PRKCG: variants seen among roughly 807,000 people sequenced by gnomAD.
The protein encoded by PRKCG is protein kinase C gamma.
Under a neutral mutation model 82.0 loss-of-function variants are expected in PRKCG, and 28 were observed. The ratio of observed to expected loss-of-function variants is 0.34; its 90% confidence interval spans 0.25 to 0.47. PRKCG has a LOEUF of 0.47. Ranked by LOEUF, PRKCG falls within the 20% of genes least tolerant of loss-of-function variation. The pLI, the probability that PRKCG is intolerant of heterozygous loss-of-function variation, is 1.00. For synonymous variants in PRKCG, 383 were observed against 376.6 expected, an observed-to-expected ratio of 1.02 and a Z score of -0.20; for missense variants, 640 against 952.7, an observed-to-expected ratio of 0.67 and a Z score of 4.32.
Position 53,900,103 on chromosome 19 carries a change from T to C in PRKCG, c.1282-130T>C. ...GCACCTTAGGGCCCTCCCAGGGATGTGGCTAGGTGCTCTGAATTTCTGGTT... is the reference window on the plus strand; with the variant it reads ...GCACCTTAGGGCCCTCCCAGGGATGCGGCTAGGTGCTCTGAATTTCTGGTT... On this transcript the variant is annotated intron_variant, in intron 11 of 17. Transcript: ENST00000263431. This position sits in a 1 kb window ranked among gnomAD's most constrained non-coding sequence, Gnocchi z 4.2. The C allele has an allele frequency of 1.2e-6, 1 of 851,968 alleles. No individual in the cohort carries two copies. The highest frequency in any genetic ancestry group is 1.9e-5 in the Admixed American group (1 of 53,350). The allele number at this position is 851,968 out of a possible 1,614,324, so 52.8% of individuals were successfully genotyped here. A position where few individuals can be genotyped will look rare whatever the true frequency, so the allele number is the denominator to read the frequency against.
chr19:53,887,134 C>A (rs924152892), intron 3 of PRKCG, among the ~76,000 whole-genome samples: 1 of 151,920 alleles, frequency 6.6e-6, no homozygotes, highest in Admixed American at 6.6e-5. Flanking sequence ...TGCAATAGTG[C>A]TATCACTGCT....
At chr19:53,881,142 A>AGG, upstream of PRKCG, among the ~76,000 whole-genome samples, 1 of 151,538 alleles carries the variant, frequency 6.6e-6, no homozygotes, top group East Asian at 1.9e-4. Flanking sequence ...AGAGAGAGAG[A>AGG]GAGAGATCAA....
Position 53,883,648 on chromosome 19 carries a change from G to A in PRKCG, c.202+454G>A, listed in dbSNP as rs1393247935. Among the ~76,000 whole-genome samples, 2 of 145,732 alleles carry A rather than the reference G, an allele frequency of 1.4e-5. No homozygotes were observed. Among genetic ancestry groups the A allele is most frequent in the Non-Finnish European group, 3.0e-5 (2 of 65,968 alleles). On this transcript the variant is annotated intron_variant, in intron 2 of 17. Coordinates refer to ENST00000263431, the MANE Select transcript of PRKCG (RefSeq NM_002739.5). The surrounding 1 kb of genome is among the most constrained non-coding windows in gnomAD (Gnocchi z 5.4). ...CCGGCAGTTCTGGGGGGCGGGAGAG[G>A]GGGGCGAGTCCTTGAGCACCAGCTG...
intron 6 of PRKCG, 149 bp downstream of exon 6, chr19:53,891,979 T>C: frequency 9.5e-7 from 1 of 1,053,528 alleles, no homozygotes; most frequent in Non-Finnish European, 1.4e-6. Flanking sequence ...GGGAATAGAG[T>C]GATTGAGGGA....
rs1599945617 is a variant in PRKCG at position 53,892,529 on chromosome 19, T to C, written c.707T>C (p.Val236Ala). 2.5e-6 allele frequency: 4 copies of C among 1,612,772 alleles called. No individual in the cohort carries two copies. The highest frequency in any genetic ancestry group is 3.4e-6 in the Non-Finnish European group (4 of 1,179,764). ...TFVFNLKPGD[V>A]ERRLSVEVWD... ...TGCAGCAACCTGAAGCCAGGGGATG[T>C]GGAGCGCCGGCTCAGCGTGGAGGTG... The change falls in exon 7 of 18, where the codon GTG becomes GCG. Residue 236 changes from valine (V) to alanine (A), a missense_variant. Transcript: ENST00000263431. This position sits in a 1 kb window ranked among gnomAD's most constrained non-coding sequence, Gnocchi z 5.9.
rs557341846 is a variant in PRKCG, at chr19:53,907,336, C to T, written c.*441C>T. The T allele has an allele frequency of 1.2e-4, 31 of 259,938 alleles. No individual in the cohort carries two copies. The highest frequency in any genetic ancestry group is 5.3e-4 in the African/African-American group (24 of 45,164). The allele number at this position is 259,938 out of a possible 1,614,324, so 16.1% of individuals were successfully genotyped here. A position where few individuals can be genotyped will look rare whatever the true frequency, so the allele number is the denominator to read the frequency against. On this transcript the variant is annotated 3_prime_UTR_variant, in exon 18 of 18. Coordinates refer to ENST00000263431, the MANE Select transcript of PRKCG (RefSeq NM_002739.5). Reference sequence around the variant, plus strand: ...GCCTCCGAGGCTCCCCGCCTCCACTCTAGTTCTAGATGAGTGGGAGGCGTG... The same window carrying T: ...GCCTCCGAGGCTCCCCGCCTCCACTTTAGTTCTAGATGAGTGGGAGGCGTG...
intron 3 of PRKCG, among the ~76,000 whole-genome samples, chr19:53,885,928 T>G (rs1027626623): frequency 1.3e-4 from 19 of 151,656 alleles, no homozygotes; most frequent in African/African-American, 4.3e-4. Flanking sequence ...GATTTTTTTT[T>G]TTGTTTTTTG....
rs1568764087 is a variant in PRKCG, at chr19:53,906,109, CT to C, written c.1765-206del. 2.4e-4 allele frequency among the ~76,000 whole-genome samples: 22 copies of C among 91,452 alleles called. 2 individuals are homozygous for C. Among genetic ancestry groups the C allele is most frequent in the Middle Eastern group, 6.4e-3 (1 of 156 alleles). 60.0% of individuals were successfully genotyped at this position (91,452 alleles called of 152,430 possible). A position where few individuals can be genotyped will look rare whatever the true frequency, so the allele number is the denominator to read the frequency against. On this transcript the variant is annotated intron_variant, in intron 16 of 17. Transcript: ENST00000263431. ...CCTTCTTCTTCTTCTTCTTCTTCTT[CT>C]TCTTCTTCTTTTCTTCTCTCTCTCT...
Position 53,891,863 on chromosome 19 carries a change from C to T in PRKCG, c.686+33C>T, listed in dbSNP as rs773965382. The T allele has an allele frequency of 9.9e-6, 16 of 1,613,240 alleles. No individual in the cohort carries two copies. The Admixed American group carries it at 2.7e-4, about 27-fold the overall frequency. On this transcript the variant is annotated intron_variant, in intron 6 of 17. Coordinates refer to ENST00000263431, the MANE Select transcript of PRKCG (RefSeq NM_002739.5). ...TGGGGTGCAGGGAAGGCAATGACAG[C>T]TGACAGAGAATGATCTGAGGGTCCT...
chr19:53,906,035 CCTCCTCCCTCCTCCTCCTCCT>C (rs1230580514), intron 16 of PRKCG, among the ~76,000 whole-genome samples: 2 of 84,676 alleles, frequency 2.4e-5, no homozygotes, highest in Non-Finnish European at 4.6e-5. Context: ...CCCTCCTCCT[CCTCCTCCCTCCTCCTCCTCCT>C]CCTCCTCCTC....
intron 3 of PRKCG, among the ~76,000 whole-genome samples, chr19:53,888,419 C>T (rs910923619): frequency 6.6e-6 from 1 of 152,072 alleles, no homozygotes; most frequent in African/African-American, 2.4e-5. Context: ...TCACTGATGA[C>T]CTGCATTCTT....
chr19:53,903,325 G>A (rs1184979515), intron 15 of PRKCG, among the ~76,000 whole-genome samples, 172 bp downstream of exon 15: 1 of 152,148 alleles, frequency 6.6e-6, no homozygotes, highest in Non-Finnish European at 1.5e-5. Flanking sequence ...GTTTTGTTTT[G>A]TTTGTTCTGT....
chr19:53,882,224 C>T lies in PRKCG; in HGVS notation c.-271C>T. ...ATTTCAGCAGGTGCCGGAGCTGGAG[C>T]TCCCACCGCCGCCGCCCGTGCCTCC... On this transcript the variant is annotated 5_prime_UTR_variant, in exon 1 of 18. Coordinates refer to ENST00000263431, the MANE Select transcript of PRKCG (RefSeq NM_002739.5). The surrounding 1 kb of genome is among the most constrained non-coding windows in gnomAD (Gnocchi z 6.1). The T allele has an allele frequency of 2.0e-6, 1 of 506,552 alleles. No individual in the cohort carries two copies. Among genetic ancestry groups the T allele is most frequent in the Non-Finnish European group, 3.6e-6 (1 of 276,918 alleles). The allele number at this position is 506,552 out of a possible 1,614,324, so 31.4% of individuals were successfully genotyped here. A position where few individuals can be genotyped will look rare whatever the true frequency, so the allele number is the denominator to read the frequency against.
intron 9 of PRKCG, among the ~76,000 whole-genome samples, chr19:53,894,939 C>G (rs2068707236): frequency 6.6e-6 from 1 of 152,142 alleles, no homozygotes; most frequent in South Asian, 2.1e-4. Flanking sequence ...CTGGCACAGC[C>G]TGAGTCAGAG....
intron 11 of PRKCG, among the ~76,000 whole-genome samples, chr19:53,899,980 T>G (rs546651992): frequency 6.6e-6 from 1 of 152,264 alleles, no homozygotes; most frequent in South Asian, 2.1e-4. Context: ...GAGCGAATGG[T>G]GGGCTTCAGT....
At position 53,884,184 on chromosome 19, in the gene PRKCG, C is replaced by T. The variant is rs2068614711; in HGVS notation, c.226C>T (p.Arg76Ter). 6.2e-7 allele frequency: 1 copy of T among 1,614,146 alleles called. No individual in the cohort carries two copies. Among genetic ancestry groups the T allele is most frequent in the Non-Finnish European group, 8.5e-7 (1 of 1,180,044 alleles). The change falls in exon 3 of 18, where the codon CGA becomes TGA. Residue 76 changes from arginine (R) to a stop codon, truncating the protein, a stop_gained. Coordinates refer to ENST00000263431, the MANE Select transcript of PRKCG (RefSeq NM_002739.5). LOFTEE classifies it high-confidence loss of function. This position sits in a 1 kb window ranked among gnomAD's most constrained non-coding sequence, Gnocchi z 4.6. ...CQVCSFVVHR[R>*]CHEFVTFECP... is the part of the protein sequence containing the mutation. ...AGTCTGCAGCTTTGTGGTTCATCGA[C>T]GATGCCACGAATTTGTGACCTTCGA...
At chr19:53,905,496 G>C (rs1203178035) in intron 16 of PRKCG, among the ~76,000 whole-genome samples, 1 of 151,094 alleles carries the variant, frequency 6.6e-6, no homozygotes, top group Non-Finnish European at 1.5e-5. Context: ...GTGTTTCCTG[G>C]GTCTCTATCC....
At chr19:53,885,714 A>G (rs534326971) in intron 3 of PRKCG, among the ~76,000 whole-genome samples, 1 of 152,252 alleles carries the variant, frequency 6.6e-6, no homozygotes, top group South Asian at 2.1e-4. Context: ...AGAGAGATCC[A>G]CAGAAGTCCA....
chr19:53,887,982 G>A (rs981035500), intron 3 of PRKCG, among the ~76,000 whole-genome samples: 4 of 152,160 alleles, frequency 2.6e-5, no homozygotes, highest in African/African-American at 9.7e-5. Context: ...AGCTGGGTAG[G>A]GGATAGAGGC....
Sources: allele counts gnomAD v4.1 joint callset (sites outside exome capture counted in the v4.1 genomes callset), GRCh38; gene constraint gnomAD v4.1.1; non-coding constraint Gnocchi (gnomAD v3.1); transcripts MANE v1.5; gene names NCBI Gene and HGNC (gene_info 2026-07-23, HGNC 2026-07-21).